Variants in SLC14A2 observed in about 807,000 individuals in gnomAD.
SLC14A2 encodes urea transporter 2.
Under a neutral mutation model 104.6 loss-of-function variants are expected in SLC14A2, and 91 were observed. The ratio of observed to expected loss-of-function variants is 0.87; its 90% CI spans 0.73 to 1.04. SLC14A2 has a LOEUF of 1.04. SLC14A2 is among the 50% of genes least tolerant of loss of function. The probability of loss-of-function intolerance (pLI) is 0.00; values close to 1 mark genes in which losing one functional copy is unlikely to be tolerated. For missense variants in SLC14A2, 1,189 were observed against 1,156.0 expected (o/e 1.03, Z -0.41); for synonymous variants, 476 against 466.4 (o/e 1.02, Z -0.27).
At chr18:45,551,459 C>A (rs950562963) in intron 2 of SLC14A2, among the ~76,000 whole-genome samples, 12 of 152,254 alleles carry the variant, frequency 7.9e-5, no homozygotes, top group Non-Finnish European at 1.8e-4. Context: ...ACAGCTACCG[C>A]TGTTGGGACA....
chr18:45,321,347 A>G (rs1373255591), intron 1 of SLC14A2, among the ~76,000 whole-genome samples: 3 of 152,238 alleles, frequency 2.0e-5, no homozygotes, highest in African/African-American at 7.2e-5. Flanking sequence ...TTATGAATAT[A>G]TCATTACTGT....
Position 45,270,825 on chromosome 18 carries a change from A to G in SLC14A2, c.-125+57634A>G, listed in dbSNP as rs58022206. 2.5e-3 allele frequency among the ~76,000 whole-genome samples: 375 copies of G among 152,282 alleles called. 1 individual carries two copies. The highest frequency in any genetic ancestry group is 8.5e-3 in the African/African-American group (353 of 41,566). On this transcript the variant is annotated intron_variant, in intron 1 of 20. Coordinates refer to the SLC14A2 transcript ENST00000586448. Reference sequence around the variant, plus strand: ...ATAATGGAATGCAATTGGCTAAGAGATGGAGTTACTGGACTCTAGCTCAGC... The same window carrying G: ...ATAATGGAATGCAATTGGCTAAGAGGTGGAGTTACTGGACTCTAGCTCAGC...
chr18:45,237,482 G>A (rs1383880663), intron 1 of SLC14A2, among the ~76,000 whole-genome samples: 1 of 152,150 alleles, frequency 6.6e-6, no homozygotes, highest in Non-Finnish European at 1.5e-5. Context: ...GGCACAGCAT[G>A]CTCGATTCAC....
chr18:45,389,768 C>T (rs1485650975), intron 1 of SLC14A2, among the ~76,000 whole-genome samples: 1 of 152,188 alleles, frequency 6.6e-6, no homozygotes, highest in Non-Finnish European at 1.5e-5. Flanking sequence ...TTTCTCTCCT[C>T]TTGTCCCACA....
chr18:45,216,622 G>T (rs1172172515), intron 1 of SLC14A2, among the ~76,000 whole-genome samples: 1 of 152,084 alleles, frequency 6.6e-6, no homozygotes, highest in Non-Finnish European at 1.5e-5. Flanking sequence ...CGGTATATGG[G>T]AACTCACAGT....
At chr18:45,173,447 G>T in the SLC14A2 span, among the ~76,000 whole-genome samples, 2 of 150,830 alleles carry the variant, frequency 1.3e-5, no homozygotes, top group Non-Finnish European at 3.0e-5. Flanking sequence ...GAGTAAAGGA[G>T]ATTGCCTGAA....
At chr18:45,312,526 CA>C (rs1161854008) in intron 1 of SLC14A2, among the ~76,000 whole-genome samples, 1 of 152,088 alleles carries the variant, frequency 6.6e-6, no homozygotes, top group Non-Finnish European at 1.5e-5. Context: ...CAAATCATCT[CA>C]AATACCAGGA....
intron 2 of SLC14A2, among the ~76,000 whole-genome samples, chr18:45,492,816 G>T (rs1007420804): frequency 1.1e-4 from 17 of 152,256 alleles, no homozygotes; most frequent in South Asian, 8.3e-4. Context: ...CAAAAAAGAG[G>T]ATAGATGAGG....
intron 2 of SLC14A2, among the ~76,000 whole-genome samples, chr18:45,556,578 T>A (rs956755477): frequency 6.6e-6 from 1 of 152,246 alleles, no homozygotes; most frequent in African/African-American, 2.4e-5. Flanking sequence ...AATCTCTCTA[T>A]GTCTTGACTT....
At chr18:45,678,909 G>C in intron 18 of SLC14A2, 66 bp from the exon 19 acceptor site, 1 of 1,387,478 alleles carries the variant, frequency 7.2e-7, no homozygotes, top group Non-Finnish European at 9.9e-7. Context: ...AGAATATGTA[G>C]AGCAATCTTG....
chr18:45,567,893 A>G (rs1423871309), intron 2 of SLC14A2, among the ~76,000 whole-genome samples: 1 of 152,198 alleles, frequency 6.6e-6, no homozygotes, highest in Non-Finnish European at 1.5e-5. Context: ...AAGATGGTGA[A>G]GATGTGCAGA....
At chr18:45,530,749 G>T (rs964522241) in intron 2 of SLC14A2, among the ~76,000 whole-genome samples, 2 of 152,002 alleles carry the variant, frequency 1.3e-5, no homozygotes, top group Non-Finnish European at 2.9e-5. Context: ...TGCACAACAT[G>T]CAGGTTTGTT....
chr18:45,299,446 G>A (rs987725313), intron 1 of SLC14A2, among the ~76,000 whole-genome samples: 3 of 151,968 alleles, frequency 2.0e-5, no homozygotes, highest in Admixed American at 1.3e-4. Context: ...CCTCTTTATC[G>A]GTTTTGTTTT....
intron 1 of SLC14A2, among the ~76,000 whole-genome samples, chr18:45,445,134 C>T (rs905002728): frequency 5.8e-5 from 6 of 104,048 alleles, no homozygotes; most frequent in African/African-American, 2.0e-4. Context: ...TTTTTTAAGA[C>T]GGAGTCTTGC....
intron 7 of SLC14A2, 39 bp from the exon 8 acceptor site, chr18:45,641,170 G>C: frequency 6.2e-7 from 1 of 1,606,638 alleles, no homozygotes; most frequent in South Asian, 1.1e-5. Context: ...TTGTTCTGTG[G>C]CCCAGAATCA....
At chr18:45,648,135 A>G (rs1242886519) in intron 10 of SLC14A2, among the ~76,000 whole-genome samples, 1 of 150,140 alleles carries the variant, frequency 6.7e-6, no homozygotes, top group Non-Finnish European at 1.5e-5. Flanking sequence ...ATTTATGACA[A>G]TCTTTTTCTT....
intron 10 of SLC14A2, among the ~76,000 whole-genome samples, chr18:45,659,069 G>C (rs1429028767): frequency 6.6e-6 from 1 of 152,160 alleles, no homozygotes; most frequent in Non-Finnish European, 1.5e-5. Context: ...CTTGTTAGAG[G>C]AGGGGAGAGC....
At chr18:45,340,903 T>A (rs1282643835) in intron 1 of SLC14A2, among the ~76,000 whole-genome samples, 1 of 152,182 alleles carries the variant, frequency 6.6e-6, no homozygotes, top group Non-Finnish European at 1.5e-5. Flanking sequence ...GGGTGGTCCC[T>A]GCTGGGAACA....
intron 1 of SLC14A2, among the ~76,000 whole-genome samples, chr18:45,345,028 G>A (rs370701445): frequency 8.5e-5 from 13 of 152,134 alleles, no homozygotes; most frequent in African/African-American, 3.1e-4. Flanking sequence ...TGTTGGACGT[G>A]CAGTATGATC....
Sources: gnomAD v4.1 joint callset for allele counts (sites outside exome capture counted in the v4.1 genomes callset) on GRCh38, gnomAD v4.1.1 for gene constraint, MANE v1.5 for transcripts, NCBI Gene and HGNC (gene_info 2026-07-23, HGNC 2026-07-21) for gene names.